Variants in NRXN1 observed in about 807,000 individuals in gnomAD.
The protein encoded by NRXN1 is neurexin 1.
In NRXN1, 39 loss-of-function variants were observed where a neutral mutation model predicts 150.9. That is an observed-to-expected ratio of 0.26 (90% CI 0.20 to 0.34). The LOEUF (loss-of-function observed/expected upper bound fraction) is 0.34, where lower values mean the gene tolerates loss of function less well. Ranked by LOEUF, NRXN1 falls within the 10% of genes least tolerant of loss-of-function variation. The pLI, the probability that NRXN1 is intolerant of heterozygous loss-of-function variation, is 1.00. For synonymous variants in NRXN1, 924 were observed against 757.0 expected (o/e 1.22, Z -3.62); for missense variants, 1,815 against 1,949.9 (o/e 0.93, Z 1.30).
intron 17 of NRXN1, among the ~76,000 whole-genome samples, chr2:50,276,099 T>C (rs1395197224): frequency 6.6e-6 from 1 of 151,526 alleles, no homozygotes; most frequent in African/African-American, 2.4e-5. Flanking sequence ...AAGCAGGGCT[T>C]ACTCAACCAT....
chr2:50,142,479 C>T (rs1707416722), intron 18 of NRXN1, among the ~76,000 whole-genome samples: 1 of 151,754 alleles, frequency 6.6e-6, no homozygotes, highest in South Asian at 2.1e-4. Flanking sequence ...ATTCCCAACA[C>T]ATAAAAATGA....
At chr2:49,991,351 C>T (rs951123787) in intron 21 of NRXN1, among the ~76,000 whole-genome samples, 1 of 152,008 alleles carries the variant, frequency 6.6e-6, no homozygotes, top group Non-Finnish European at 1.5e-5. Flanking sequence ...ATAAAAACCT[C>T]CTGGAACTAG....
chr2:50,523,214 AAAAC>A (rs1308358796), intron 12 of NRXN1, among the ~76,000 whole-genome samples: 1 of 152,194 alleles, frequency 6.6e-6, no homozygotes, highest in Non-Finnish European at 1.5e-5. Flanking sequence ...TACTTTAAGT[AAAAC>A]AACACAGAAA....
intron 2 of NRXN1, among the ~76,000 whole-genome samples, chr2:50,930,217 C>T (rs1449403378): frequency 6.6e-6 from 1 of 151,914 alleles, no homozygotes; most frequent in Non-Finnish European, 1.5e-5. Context: ...CTTCACTGCT[C>T]GGGAATAAAA....
Position 50,347,618 on chromosome 2 carries a change from G to C in NRXN1, c.3365-110648C>G. ...GCGTCCGCCGCCTCCTGACACTTAC[G>C]CCCGGCGAGGGGTTCAGAGGGAAGA... On this transcript the variant is annotated intron_variant, in intron 17 of 22. Coordinates refer to ENST00000401669, the MANE Select transcript of NRXN1 (RefSeq NM_001330078.2). This position sits in a 1 kb window ranked among gnomAD's most constrained non-coding sequence, Gnocchi z 4.9. The C allele has an allele frequency of 9.9e-7, 1 of 1,006,196 alleles. No individual in the cohort carries two copies. Among genetic ancestry groups the C allele is most frequent in the Non-Finnish European group, 1.2e-6 (1 of 842,548 alleles). The allele number at this position is 1,006,196 out of a possible 1,614,324, so 62.3% of individuals were successfully genotyped here. A position where few individuals can be genotyped will look rare whatever the true frequency, so the allele number is the denominator to read the frequency against.
At chr2:50,244,086 T>C (rs1010306786) in intron 17 of NRXN1, among the ~76,000 whole-genome samples, 1 of 151,952 alleles carries the variant, frequency 6.6e-6, no homozygotes, top group African/African-American at 2.4e-5. Flanking sequence ...CTACATTTTC[T>C]ATATTCTCTA....
chr2:50,619,402 A>C (rs1679588837), intron 8 of NRXN1: 1 of 152,294 alleles, frequency 6.6e-6, no homozygotes, highest in South Asian at 2.1e-4. Flanking sequence ...TCTTATACAA[A>C]GTTACAATAC....
chr2:50,461,974 T>C (rs532535077), intron 17 of NRXN1, among the ~76,000 whole-genome samples: 14 of 151,956 alleles, frequency 9.2e-5, no homozygotes, highest in Non-Finnish European at 1.6e-4. Flanking sequence ...GGCAGTAATA[T>C]GCCATATGGA....
chr2:50,227,822 A>C (rs1002097848), intron 18 of NRXN1, among the ~76,000 whole-genome samples: 27 of 152,166 alleles, frequency 1.8e-4, no homozygotes, highest in African/African-American at 6.5e-4. Flanking sequence ...TAGGCAAGCC[A>C]GTAGCCATAT....
At chr2:50,485,788 A>G (rs2104821412) in intron 15 of NRXN1, among the ~76,000 whole-genome samples, 1 of 152,372 alleles carries the variant, frequency 6.6e-6, no homozygotes, top group South Asian at 2.1e-4. Flanking sequence ...GATGAACCCA[A>G]GAATGCACCA....
At chr2:50,034,587 C>A (rs1689722148) in intron 21 of NRXN1, among the ~76,000 whole-genome samples, 1 of 151,808 alleles carries the variant, frequency 6.6e-6, no homozygotes, top group Admixed American at 6.6e-5. Context: ...TATAACCAAC[C>A]CCCATGACAC....
intron 2 of NRXN1, among the ~76,000 whole-genome samples, chr2:51,010,913 A>G (rs1667752107): frequency 6.6e-6 from 1 of 151,788 alleles, no homozygotes; most frequent in South Asian, 2.1e-4. Flanking sequence ...CAAAAATAGC[A>G]GGAACTACAG....
rs140641631 is a variant in NRXN1, at chr2:50,503,435, A to C, written c.2497+3060T>G. On this transcript the variant is annotated intron_variant, in intron 13 of 22. Coordinates refer to ENST00000401669, the MANE Select transcript of NRXN1 (RefSeq NM_001330078.2). ...AACTCACACTGGCAAAAATTGAAAA[A>C]CATTTGCGCACCAAAATCATAAGAT... is the stretch of plus-strand genomic sequence containing the variant. Among the ~76,000 whole-genome samples, 276 of 152,218 alleles carry C rather than the reference A, an allele frequency of 1.8e-3. 1 individual carries two copies. The highest frequency in any genetic ancestry group is 6.4e-3 in the African/African-American group (264 of 41,554).
At chr2:50,498,604 A>C (rs2091775800) in intron 13 of NRXN1, among the ~76,000 whole-genome samples, 1 of 152,168 alleles carries the variant, frequency 6.6e-6, no homozygotes, top group Non-Finnish European at 1.5e-5. Flanking sequence ...TTTCCCTGTC[A>C]AACCCATTAA....
At chr2:50,341,428 TA>T (rs2077542810) in intron 17 of NRXN1, among the ~76,000 whole-genome samples, 2 of 152,182 alleles carry the variant, frequency 1.3e-5, no homozygotes, top group African/African-American at 4.8e-5. Flanking sequence ...GGGAACCTAC[TA>T]TAGTCTGGGC....
chr2:50,557,044 T>C (rs1239530015), intron 8 of NRXN1, among the ~76,000 whole-genome samples: 3 of 152,194 alleles, frequency 2.0e-5, no homozygotes, highest in African/African-American at 7.2e-5. Flanking sequence ...TCAGATACAC[T>C]GAAACACTAA....
intron 2 of NRXN1, among the ~76,000 whole-genome samples, chr2:50,977,272 GATA>G (rs3059987): frequency 7.2e-5 from 11 of 151,826 alleles, no homozygotes; most frequent in Non-Finnish European, 8.8e-5. Context: ...GGGGGTCAGA[GATA>G]ATAATTTTGC....
intron 18 of NRXN1, among the ~76,000 whole-genome samples, chr2:50,211,538 C>T (rs1266701591): frequency 6.6e-6 from 1 of 151,168 alleles, no homozygotes; most frequent in Non-Finnish European, 1.5e-5. Flanking sequence ...CTGTGATTTC[C>T]ATTATAACAG....
rs1575168074 is a variant in NRXN1 at position 50,346,745 on chromosome 2, G to A, written c.3365-109775C>T. On this transcript the variant is annotated intron_variant, in intron 17 of 22. Transcript: ENST00000401669. This position sits in a 1 kb window ranked among gnomAD's most constrained non-coding sequence, Gnocchi z 5.0. The stretch of plus-strand genomic sequence containing the variant: ...CTGTAGATTGCAATAGGCACTGAAT[G>A]ATGCTTGCTGCTGCCATGGAAATGG... The A allele has an allele frequency of 6.2e-7, 1 of 1,613,948 alleles. No individual in the cohort carries two copies. Among genetic ancestry groups the A allele is most frequent in the East Asian group, 2.2e-5 (1 of 44,836 alleles).
Sources: allele counts gnomAD v4.1 joint callset (sites outside exome capture counted in the v4.1 genomes callset), GRCh38; gene constraint gnomAD v4.1.1; non-coding constraint Gnocchi (gnomAD v3.1); transcripts MANE v1.5; gene names NCBI Gene and HGNC (gene_info 2026-07-23, HGNC 2026-07-21).